The following PPARGC1A variants were observed in gnomAD, a reference collection of about 807,000 sequenced individuals.
The protein encoded by PPARGC1A is PPARG coactivator 1 alpha, also known as peroxisome proliferator-activated receptor gamma coactivator 1-alpha.
Under a neutral mutation model 88.7 loss-of-function variants are expected in PPARGC1A, and 25 were observed. That is an observed-to-expected ratio of 0.28 (90% CI 0.21 to 0.39). The LOEUF (loss-of-function observed/expected upper bound fraction) is 0.39. Among genes scored for constraint, PPARGC1A ranks in the 10% least tolerant of loss-of-function variants. The pLI, the probability that PPARGC1A is intolerant of heterozygous loss-of-function variation, is 1.00. For synonymous variants in PPARGC1A, 363 were observed against 355.6 expected (o/e 1.02, Z -0.24); for missense variants, 880 against 968.7 (o/e 0.91, Z 1.22).
At chr4:24,389,617 A>T in the PPARGC1A span, among the ~76,000 whole-genome samples, 49 of 152,226 alleles carry the variant, frequency 3.2e-4, no homozygotes, top group Non-Finnish European at 6.0e-4. Flanking sequence ...TGTTGCAAGG[A>T]TACACGAAGA....
the PPARGC1A span, among the ~76,000 whole-genome samples, chr4:24,273,274 C>A: frequency 2.0e-5 from 3 of 152,208 alleles, no homozygotes; most frequent in African/African-American, 7.2e-5. Flanking sequence ...ATCACTATGA[C>A]AAATTGTATT....
intron 1 of PPARGC1A, among the ~76,000 whole-genome samples, chr4:23,887,910 G>A (rs1348998580): frequency 6.6e-6 from 1 of 152,094 alleles, no homozygotes; most frequent in East Asian, 1.9e-4. Context: ...CATGTGAATT[G>A]TCTCTATCAA....
At chr4:24,260,751 C>T in the PPARGC1A span, among the ~76,000 whole-genome samples, 2 of 150,898 alleles carry the variant, frequency 1.3e-5, no homozygotes, top group East Asian at 3.9e-4. Flanking sequence ...AAAAAGATGG[C>T]ATTTTTGCAC....
chr4:24,340,842 C>T, the PPARGC1A span, among the ~76,000 whole-genome samples: 1 of 152,056 alleles, frequency 6.6e-6, no homozygotes, highest in East Asian at 1.9e-4. Context: ...CGCTGACCAC[C>T]GAACTCCCTT....
chr4:24,300,205 A>C, the PPARGC1A span, among the ~76,000 whole-genome samples: 7 of 151,842 alleles, frequency 4.6e-5, no homozygotes, highest in Non-Finnish European at 8.8e-5. Flanking sequence ...ATTTTGTTCA[A>C]TTTGCCACAT....
At chr4:23,912,298 C>T in the PPARGC1A span, among the ~76,000 whole-genome samples, 4 of 152,042 alleles carry the variant, frequency 2.6e-5, no homozygotes, top group Admixed American at 1.3e-4. Context: ...AGCTCTATGG[C>T]CTAAGGAAAG....
chr4:24,406,315 T>A, the PPARGC1A span, among the ~76,000 whole-genome samples: 1 of 152,206 alleles, frequency 6.6e-6, no homozygotes, highest in African/African-American at 2.4e-5. Context: ...CCCAAGTGAA[T>A]CCTATCTCCT....
the PPARGC1A span, among the ~76,000 whole-genome samples, chr4:23,988,223 T>C: frequency 6.6e-6 from 1 of 152,090 alleles, no homozygotes; most frequent in South Asian, 2.1e-4. Flanking sequence ...CCTTTGCTAT[T>C]GTGAATAGTG....
At chr4:23,822,252 T>C (rs1408323185) in intron 7 of PPARGC1A, among the ~76,000 whole-genome samples, 1 of 152,130 alleles carries the variant, frequency 6.6e-6, no homozygotes, top group Non-Finnish European at 1.5e-5. Flanking sequence ...TTTGGTTTCC[T>C]GCTTTCTTGC....
the PPARGC1A span, among the ~76,000 whole-genome samples, chr4:23,981,162 G>T: frequency 2.0e-5 from 3 of 151,860 alleles, no homozygotes; most frequent in Non-Finnish European, 4.4e-5. Context: ...CCTTGCAGTT[G>T]AGTATTTCTC....
the PPARGC1A span, among the ~76,000 whole-genome samples, chr4:24,425,095 T>C: frequency 1.3e-5 from 2 of 152,262 alleles, no homozygotes; most frequent in Non-Finnish European, 2.9e-5. Context: ...TATTTCAGAG[T>C]ATAAAAGAGA....
chr4:24,395,269 T>C, the PPARGC1A span, among the ~76,000 whole-genome samples: 3 of 152,248 alleles, frequency 2.0e-5, no homozygotes, highest in African/African-American at 7.2e-5. Context: ...CTAATTATTA[T>C]GTGTAACTAA....
At chr4:23,999,003 T>G in the PPARGC1A span, among the ~76,000 whole-genome samples, 1 of 152,240 alleles carries the variant, frequency 6.6e-6, no homozygotes, top group East Asian at 1.9e-4. Flanking sequence ...TGAATACATA[T>G]TTATTTATTA....
chr4:23,820,780 C>T (rs1722874248), intron 7 of PPARGC1A: 2 of 182,728 alleles, frequency 1.1e-5, no homozygotes, highest in Admixed American at 6.1e-5. Context: ...GCAGATGGGG[C>T]AGAGGCATTA....
chr4:24,308,196 G>A, the PPARGC1A span, among the ~76,000 whole-genome samples: 1 of 149,918 alleles, frequency 6.7e-6, no homozygotes, highest in Non-Finnish European at 1.5e-5. Flanking sequence ...GAAGGCTGAG[G>A]CAGGACAATC....
At chr4:23,900,723 G>A (rs1719233736), upstream of PPARGC1A, among the ~76,000 whole-genome samples, 1 of 152,222 alleles carries the variant, frequency 6.6e-6, no homozygotes, top group Non-Finnish European at 1.5e-5. Flanking sequence ...ATGAGGGACA[G>A]TGTTATCACA....
the PPARGC1A span, among the ~76,000 whole-genome samples, chr4:24,287,070 C>T: frequency 8.5e-5 from 13 of 152,184 alleles, no homozygotes; most frequent in Non-Finnish European, 4.4e-5. Flanking sequence ...TTCTCAACCA[C>T]GGTACCACCG....
At chr4:23,985,311 G>A in the PPARGC1A span, among the ~76,000 whole-genome samples, 1 of 152,054 alleles carries the variant, frequency 6.6e-6, no homozygotes, top group African/African-American at 2.4e-5. Flanking sequence ...AGTCCCTGAT[G>A]AGAAAGAGTG....
At chr4:24,395,060 C>T in the PPARGC1A span, among the ~76,000 whole-genome samples, 1 of 152,148 alleles carries the variant, frequency 6.6e-6, no homozygotes. Context: ...CTAGAAATAC[C>T]TGGGTTCAAG....
Sources: gnomAD v4.1 joint callset for allele counts (sites outside exome capture counted in the v4.1 genomes callset) on GRCh38, gnomAD v4.1.1 for gene constraint, MANE v1.5 for transcripts, NCBI Gene and HGNC (gene_info 2026-07-23, HGNC 2026-07-21) for gene names.